Variants in PIK3CD observed in about 807,000 individuals in gnomAD.
PIK3CD encodes phosphatidylinositol 4,5-bisphosphate 3-kinase catalytic subunit delta isoform.
In PIK3CD, 20 loss-of-function variants were observed where a neutral mutation model predicts 122.9. The ratio of observed to expected loss-of-function variants is 0.16; its 90% CI spans 0.11 to 0.24. PIK3CD has a LOEUF of 0.24. Ranked by LOEUF, PIK3CD falls within the 10% of genes least tolerant of loss-of-function variation. PIK3CD has a pLI of 1.00. For missense variants in PIK3CD, 787 were observed against 1,406.3 expected, an observed-to-expected ratio of 0.56 and a Z score of 7.04; for synonymous variants, 596 against 593.4, an observed-to-expected ratio of 1.00 and a Z score of -0.06.
chr1:9,718,268 G>T lies in PIK3CD; in HGVS notation c.1021-426G>T. 1 of 467,070 alleles carries T rather than the reference G, an allele frequency of 2.1e-6. No individual in the cohort carries two copies. The highest frequency in any genetic ancestry group is 4.8e-4 in the Middle Eastern group (1 of 2,082). The allele number at this position is 467,070 out of a possible 1,614,324, so 28.9% of individuals were successfully genotyped here. ...GGACTGGATCAGAGGGACTTCCAGG[G>T]TGGTGGTGTCAGGTGGAATTGGAAG... On this transcript the variant is annotated intron_variant, in intron 8 of 23. Coordinates refer to ENST00000377346, the MANE Select transcript of PIK3CD (RefSeq NM_005026.5). This position sits in a 1 kb window ranked among gnomAD's most constrained non-coding sequence, Gnocchi z 7.2.
chr1:9,696,350 C>G (rs530142582), intron 2 of PIK3CD, among the ~76,000 whole-genome samples: 1 of 152,070 alleles, frequency 6.6e-6, no homozygotes, highest in African/African-American at 2.4e-5. Flanking sequence ...CACTTTGGAG[C>G]CCAAGGCAGG....
At chr1:9,667,510 G>A (rs1265943440) in intron 1 of PIK3CD, among the ~76,000 whole-genome samples, 1 of 151,748 alleles carries the variant, frequency 6.6e-6, no homozygotes, top group Non-Finnish European at 1.5e-5. Flanking sequence ...CCAAGTAGCT[G>A]GGACCACAGG....
upstream of PIK3CD, among the ~76,000 whole-genome samples, chr1:9,647,087 G>A (rs994831522): frequency 6.6e-6 from 1 of 151,520 alleles, no homozygotes; most frequent in Non-Finnish European, 1.5e-5. Flanking sequence ...CTCCAGCCTT[G>A]GTTACAAAAG....
rs1209872652 is a variant in PIK3CD at position 9,728,759 on chromosome 1, T to C, written c.*1713T>C. 2 of 152,234 alleles carry C rather than the reference T, an allele frequency of 1.3e-5. No homozygotes were observed. The highest frequency in any genetic ancestry group is 2.1e-4 in the South Asian group (1 of 4,828). The allele number at this position is 152,234 out of a possible 1,614,324, so 9.4% of individuals were successfully genotyped here. Reference sequence around the variant, plus strand: ...AAGCCACAGCGTTTCTGGTTTTGGGTGTACAGTCTTGTGTGCCTGGCGAGA... The same window carrying C: ...AAGCCACAGCGTTTCTGGTTTTGGGCGTACAGTCTTGTGTGCCTGGCGAGA... On this transcript the variant is annotated 3_prime_UTR_variant, in exon 24 of 24. Coordinates refer to ENST00000377346, the MANE Select transcript of PIK3CD (RefSeq NM_005026.5).
At position 9,710,815 on chromosome 1, in the gene PIK3CD, C is replaced by T. The variant is rs1000269113; in HGVS notation, c.141+219C>T. On this transcript the variant is annotated intron_variant, in intron 3 of 23. Transcript: ENST00000377346. This position sits in a 1 kb window ranked among gnomAD's most constrained non-coding sequence, Gnocchi z 4.7. Reference sequence around the variant, plus strand: ...GTTTGTTTGTTTTGAGACGGAGTTTCGCTCTTATTGCCCAGGCTGGTGTGC... The same window carrying T: ...GTTTGTTTGTTTTGAGACGGAGTTTTGCTCTTATTGCCCAGGCTGGTGTGC... Among the ~76,000 whole-genome samples, 4 of 152,226 alleles carry T rather than the reference C, an allele frequency of 2.6e-5. No individual in the cohort carries two copies. Among genetic ancestry groups the T allele is most frequent in the East Asian group, 1.9e-4 (1 of 5,172 alleles).
chr1:9,726,733 A>G (rs1195997096), intron 23 of PIK3CD, among the ~76,000 whole-genome samples, 176 bp from the exon 24 acceptor site: 1 of 152,080 alleles, frequency 6.6e-6, no homozygotes, highest in Admixed American at 6.5e-5. Flanking sequence ...TCTGGGGCCA[A>G]GATGTCTTTG....
chr1:9,707,296 A>G (rs1646872120), intron 2 of PIK3CD, among the ~76,000 whole-genome samples: 1 of 151,612 alleles, frequency 6.6e-6, no homozygotes, highest in African/African-American at 2.4e-5. Context: ...ATCTTCATCA[A>G]CAAGAGAGAG....
chr1:9,632,494 T>C, the PIK3CD span, among the ~76,000 whole-genome samples: 1 of 152,292 alleles, frequency 6.6e-6, no homozygotes, highest in African/African-American at 2.4e-5. Context: ...CCAGCTGCCC[T>C]CTGTTTCTGC....
intron 2 of PIK3CD, among the ~76,000 whole-genome samples, chr1:9,705,462 C>A (rs910572017): frequency 6.6e-6 from 1 of 152,046 alleles, no homozygotes; most frequent in African/African-American, 2.4e-5. Context: ...TGCGCCACTG[C>A]ACTCCAGCCT....
At chr1:9,627,938 G>A in the PIK3CD span, among the ~76,000 whole-genome samples, 6 of 152,222 alleles carry the variant, frequency 3.9e-5, no homozygotes, top group African/African-American at 7.2e-5. Context: ...AACAATGGAG[G>A]AACCATGGAG....
chr1:9,675,099 T>C (rs1044065866), intron 1 of PIK3CD, among the ~76,000 whole-genome samples: 11 of 150,524 alleles, frequency 7.3e-5, no homozygotes, highest in Non-Finnish European at 1.6e-4. Flanking sequence ...GACAACCCTG[T>C]TTGAGGCCGG....
the PIK3CD span, among the ~76,000 whole-genome samples, chr1:9,635,052 G>C: frequency 6.6e-6 from 1 of 152,158 alleles, no homozygotes; most frequent in Non-Finnish European, 1.5e-5. Context: ...AACACTTTGG[G>C]AGGCCAAGAC....
At chr1:9,678,158 AC>A (rs1340587519) in intron 1 of PIK3CD, among the ~76,000 whole-genome samples, 6 of 149,930 alleles carry the variant, frequency 4.0e-5, no homozygotes, top group Admixed American at 2.7e-4. Flanking sequence ...AAAAAAAAAA[AC>A]AAAAACAAAA....
At chr1:9,630,652 G>A in the PIK3CD span, among the ~76,000 whole-genome samples, 1 of 152,122 alleles carries the variant, frequency 6.6e-6, no homozygotes, top group Non-Finnish European at 1.5e-5. Context: ...GGGGGCCAAG[G>A]CAGGTAACAT....
At chr1:9,654,370 G>A (rs2100720511) in intron 1 of PIK3CD, 1 of 1,367,720 alleles carries the variant, frequency 7.3e-7, no homozygotes. Flanking sequence ...TTTAGCAAGT[G>A]TTTCCTGAGA....
the PIK3CD span, among the ~76,000 whole-genome samples, chr1:9,646,602 C>G: frequency 0.012 from 1,757 of 152,280 alleles, 43 homozygotes; most frequent in African/African-American, 0.04. Context: ...TGTCTCCGAG[C>G]TGATAAGCGT....
At chr1:9,664,047 TTC>T (rs1160497669) in intron 1 of PIK3CD, among the ~76,000 whole-genome samples, 1,955 of 136,260 alleles carry the variant, frequency 0.014, 49 homozygotes, top group African/African-American at 0.042. Flanking sequence ...TTTTCTTTCT[TTC>T]TTTTTTTTTT....
In PIK3CD at chr1:9,721,363, G is replaced by A; in HGVS notation, c.1812-81G>A. On this transcript the variant is annotated intron_variant, in intron 14 of 23. Transcript: ENST00000377346. ...CCCGTGGGCTTGCTCCCTCCTGCCT[G>A]GCCTCCCTCTGGCTGCCGAGGGAGC... The A allele has an allele frequency of 6.8e-6, 11 of 1,608,368 alleles. No individual in the cohort carries two copies. In the South Asian group the frequency reaches 1.1e-4, roughly 16 times the overall value.
At chr1:9,636,794 C>A in the PIK3CD span, among the ~76,000 whole-genome samples, 1 of 152,218 alleles carries the variant, frequency 6.6e-6, no homozygotes, top group Non-Finnish European at 1.5e-5. Flanking sequence ...GAGGGCGAAG[C>A]GCACAGCTTA....
Sources: gnomAD v4.1 joint callset for allele counts (sites outside exome capture counted in the v4.1 genomes callset) on GRCh38, gnomAD v4.1.1 for gene constraint, Gnocchi (gnomAD v3.1) non-coding constraint, MANE v1.5 for transcripts, NCBI Gene and HGNC (gene_info 2026-07-23, HGNC 2026-07-21) for gene names.